The following NPHP4 variants were observed in gnomAD, a reference collection of about 807,000 sequenced individuals.
The protein encoded by NPHP4 is nephrocystin 4.
A neutral mutation model predicts 155.8 loss-of-function variants in NPHP4; 151 were observed. The observed-to-expected ratio is 0.97, with a 90% CI of 0.85 to 1.11. The LOEUF (loss-of-function observed/expected upper bound fraction) is 1.11, where lower values mean the gene tolerates loss of function less well. Ranked by LOEUF, NPHP4 falls within the 50% of genes least tolerant of loss-of-function variation. The probability of loss-of-function intolerance (pLI) is 0.00; values close to 1 mark genes in which losing one functional copy is unlikely to be tolerated. For missense variants in NPHP4, 1,956 were observed against 1,925.7 expected, an observed-to-expected ratio of 1.02 and a Z score of -0.29; for synonymous variants, 845 against 816.8, an observed-to-expected ratio of 1.03 and a Z score of -0.59.
chr1:5,933,438 C>T, intron 9 of NPHP4, 109 bp from the exon 10 acceptor site: 1 of 864,656 alleles, frequency 1.2e-6, no homozygotes, highest in Admixed American at 2.1e-5. Flanking sequence ...CTCAGTGTAG[C>T]AAGGGGCAGG....
At chr1:5,887,580 G>A (rs1025127917) in intron 17 of NPHP4, 114 bp from the exon 18 acceptor site, 2 of 1,158,820 alleles carry the variant, frequency 1.7e-6, no homozygotes, top group East Asian at 2.5e-5. Flanking sequence ...TGGGCGGGAG[G>A]GGGTGTGCGC....
chr1:5,969,295 C>T, intron 3 of NPHP4, 36 bp from the exon 4 acceptor site: 2 of 1,443,732 alleles, frequency 1.4e-6, no homozygotes, highest in Non-Finnish European at 1.9e-6. Flanking sequence ...TCTGAGTGTT[C>T]AGGACACACA....
At chr1:5,988,891 T>G (rs971082198) in intron 1 of NPHP4, among the ~76,000 whole-genome samples, 1 of 152,180 alleles carries the variant, frequency 6.6e-6, no homozygotes, top group East Asian at 1.9e-4. Context: ...AGATGCTGCA[T>G]GTGGGCCAGG....
chr1:5,887,492 A>G, intron 17 of NPHP4, 26 bp from the exon 18 acceptor site: 1 of 1,609,736 alleles, frequency 6.2e-7, no homozygotes, highest in African/African-American at 1.3e-5. Context: ...GCGCGTTCAG[A>G]GGCTGGAGCC....
intron 29 of NPHP4, 31 bp from the exon 30 acceptor site, chr1:5,863,436 AC>A (rs755227883): frequency 6.2e-7 from 1 of 1,607,318 alleles, no homozygotes; most frequent in South Asian, 1.1e-5. Context: ...CCCAGCATCC[AC>A]CCCCGGGCTG....
At chr1:5,908,046 T>C (rs1644998727) in intron 12 of NPHP4, among the ~76,000 whole-genome samples, 1 of 152,182 alleles carries the variant, frequency 6.6e-6, no homozygotes, top group South Asian at 2.1e-4. Flanking sequence ...TCAGCAATGA[T>C]GGCTGGCCCA....
chr1:5,932,072 C>CA (rs148760470), intron 10 of NPHP4, among the ~76,000 whole-genome samples: 1,808 of 141,930 alleles, frequency 0.013, 31 homozygotes, highest in African/African-American at 0.043. Context: ...GACCCTGTCT[C>CA]AAAAAAAAAA....
At chr1:5,866,290 A>G (rs1292597591) in intron 26 of NPHP4, 83 bp downstream of exon 26, 9 of 913,610 alleles carry the variant, frequency 9.9e-6, no homozygotes, top group Non-Finnish European at 1.2e-5. Flanking sequence ...GGCCAAGCCC[A>G]CTTTCAATCC....
At chr1:5,925,897 G>C (rs924563297) in intron 11 of NPHP4, among the ~76,000 whole-genome samples, 4 of 152,198 alleles carry the variant, frequency 2.6e-5, no homozygotes, top group Non-Finnish European at 5.9e-5. Flanking sequence ...TTACAGGCGT[G>C]AGCCACCGTG....
Position 5,875,026 on chromosome 1 carries a change from G to A in NPHP4, c.2892C>T (p.Ala964=), listed in dbSNP as rs762709199. The A allele has an allele frequency of 4.3e-5, 70 of 1,610,308 alleles. No individual in the cohort carries two copies. Among genetic ancestry groups the A allele is most frequent in the East Asian group, 1.3e-4 (6 of 44,888 alleles). Residue 964 remains alanine, a synonymous_variant, in exon 21 of 30, where the codon GCC becomes GCT. Transcript: ENST00000378156. ...GGCTCAGCAGGCTGGCGATGCTCTC[G>A]GCCTTCGTGCGTTCCCGGTAGGCGG... is the stretch of plus-strand genomic sequence containing the variant. ...VIAAYRERTK[A]ESIASLLSLA... is the part of the protein sequence containing the mutation.
chr1:5,925,982 T>C (rs1259813017), intron 11 of NPHP4, among the ~76,000 whole-genome samples: 1 of 152,234 alleles, frequency 6.6e-6, no homozygotes, highest in East Asian at 1.9e-4. Flanking sequence ...TTATGTGTCC[T>C]ATGCCTTGAA....
intron 19 of NPHP4, among the ~76,000 whole-genome samples, chr1:5,878,156 G>C (rs1326304251): frequency 6.6e-6 from 1 of 152,184 alleles, no homozygotes; most frequent in Non-Finnish European, 1.5e-5. Context: ...ACTTCCCACA[G>C]GAAACCAATG....
At chr1:5,971,385 G>A (rs1652534629) in intron 3 of NPHP4, among the ~76,000 whole-genome samples, 1 of 152,184 alleles carries the variant, frequency 6.6e-6, no homozygotes, top group African/African-American at 2.4e-5. Context: ...AAGTTCAGAT[G>A]GTTGTACCAG....
At chr1:5,876,597 C>T (rs1279176346) in intron 20 of NPHP4, 1 of 152,622 alleles carries the variant, frequency 6.6e-6, no homozygotes, top group Non-Finnish European at 1.5e-5. Context: ...GGAGATCTTT[C>T]TCAAGGCCCC....
rs781238672 is a variant in NPHP4 at position 5,890,930 on chromosome 1, G to T, written c.2242C>A (p.Gln748Lys). Residue 748 changes from glutamine (Q) to lysine (K), a missense_variant, in exon 17 of 30, where the codon CAG (glutamine) becomes AAG (lysine). Physicochemically the swap from Gln to Lys is moderately conservative, Grantham distance 53. Coordinates refer to ENST00000378156, the MANE Select transcript of NPHP4 (RefSeq NM_015102.5). This position sits in a 1 kb window ranked among gnomAD's most constrained non-coding sequence, Gnocchi z 4.9. ...GAGTCTCCGTCCCAGACGTCAATCT[G>T]CAGGGTCTGCACGGCCAGGTAGCGG... The part of the protein sequence containing the change: ...FARYLAVQTL[Q>K]IDVWDGDSLL... 9.3e-6 allele frequency: 15 copies of T among 1,609,392 alleles called. No individual in the cohort carries two copies. The highest frequency in any genetic ancestry group is 2.2e-5 in the South Asian group (2 of 90,392).
chr1:5,963,402 A>G (rs1231931922), intron 5 of NPHP4, among the ~76,000 whole-genome samples: 1 of 152,202 alleles, frequency 6.6e-6, no homozygotes, highest in African/African-American at 2.4e-5. Context: ...AAATAAAAAA[A>G]AAAAGAAATT....
At chr1:5,962,012 C>T in intron 5 of NPHP4, 63 bp from the exon 6 acceptor site, 1 of 1,323,468 alleles carries the variant, frequency 7.6e-7, no homozygotes, top group South Asian at 1.3e-5. Context: ...CCAGTCAAAC[C>T]AGCCAATTAA....
Position 5,979,484 on chromosome 1 carries a change from G to A in NPHP4, c.136-1071C>T, listed in dbSNP as rs779546041. ...AGGTCCTGAGAGGAAGAGAGCACACGTGCTCCAGGAGCCAGCGAGAAGTGC... is the reference window on the plus strand; with the variant it reads ...AGGTCCTGAGAGGAAGAGAGCACACATGCTCCAGGAGCCAGCGAGAAGTGC... On this transcript the variant is annotated intron_variant, in intron 2 of 29. Coordinates refer to ENST00000378156, the MANE Select transcript of NPHP4 (RefSeq NM_015102.5). Among the ~76,000 whole-genome samples, 124 of 152,288 alleles carry A rather than the reference G, an allele frequency of 8.1e-4. 2 individuals carry two copies. Among genetic ancestry groups the A allele is most frequent in the Non-Finnish European group, 1.6e-3 (109 of 68,018 alleles).
At chr1:5,868,653 C>T (rs530445416) in intron 23 of NPHP4, among the ~76,000 whole-genome samples, 2 of 150,740 alleles carry the variant, frequency 1.3e-5, no homozygotes, top group East Asian at 2.0e-4. Flanking sequence ...CATGCACACA[C>T]GCATCCAGCC....
Sources: gnomAD v4.1 joint callset for allele counts (sites outside exome capture counted in the v4.1 genomes callset) on GRCh38, gnomAD v4.1.1 for gene constraint, Gnocchi (gnomAD v3.1) non-coding constraint, MANE v1.5 for transcripts, NCBI Gene and HGNC (gene_info 2026-07-23, HGNC 2026-07-21) for gene names.